Variants in HIP1 observed in about 807,000 individuals in gnomAD.
The protein encoded by HIP1 is huntingtin-interacting protein 1.
A neutral mutation model predicts 147.6 loss-of-function variants in HIP1; 65 were observed. The ratio of observed to expected loss-of-function variants is 0.44; its 90% CI spans 0.36 to 0.54. The LOEUF is 0.54. HIP1 is among the 20% of genes least tolerant of loss of function. The probability of loss-of-function intolerance (pLI) is 0.00; values close to 1 mark genes in which losing one functional copy is unlikely to be tolerated. For synonymous variants in HIP1, 479 were observed against 504.0 expected, an observed-to-expected ratio of 0.95 and a Z score of 0.67; for missense variants, 1,061 against 1,299.6, an observed-to-expected ratio of 0.82 and a Z score of 2.82.
chr7:75,572,297 G>T (rs1006362363), intron 8 of HIP1, among the ~76,000 whole-genome samples: 1 of 151,914 alleles, frequency 6.6e-6, no homozygotes, highest in South Asian at 2.1e-4. Flanking sequence ...TTCTGCTAAG[G>T]GCACCCCAGG....
chr7:75,667,740 C>T (rs1361535006), intron 1 of HIP1, among the ~76,000 whole-genome samples: 1 of 152,222 alleles, frequency 6.6e-6, no homozygotes, highest in African/African-American at 2.4e-5. Context: ...ATCCTCCCAC[C>T]TCGGCCTCAC....
intron 1 of HIP1, among the ~76,000 whole-genome samples, chr7:75,672,045 T>C (rs944870354): frequency 6.6e-6 from 1 of 152,144 alleles, no homozygotes; most frequent in Non-Finnish European, 1.5e-5. Flanking sequence ...AATTTTCATG[T>C]TTTTCTATAG....
chr7:75,709,543 C>T (rs1554519973), intron 1 of HIP1, among the ~76,000 whole-genome samples: 1 of 152,170 alleles, frequency 6.6e-6, no homozygotes, highest in East Asian at 1.9e-4. Flanking sequence ...TGCTACTTTG[C>T]TGAATTTGCT....
At chr7:75,570,096 G>A (rs1584810845) in intron 8 of HIP1, among the ~76,000 whole-genome samples, 3 of 151,922 alleles carry the variant, frequency 2.0e-5, no homozygotes, top group Middle Eastern at 3.4e-3. Context: ...ACCACACCCC[G>A]CTAATTTTTG....
At chr7:75,635,312 C>G (rs187870540) in intron 1 of HIP1, among the ~76,000 whole-genome samples, 8 of 152,224 alleles carry the variant, frequency 5.3e-5, no homozygotes, top group African/African-American at 1.9e-4. Flanking sequence ...GAGCTGTCAA[C>G]TGAAATACAG....
chr7:75,623,047 AT>A (rs1797906311), intron 1 of HIP1, among the ~76,000 whole-genome samples: 1 of 150,038 alleles, frequency 6.7e-6, no homozygotes, highest in South Asian at 2.1e-4. Flanking sequence ...AAAATAAAAA[AT>A]TTAGCCAGGC....
intron 1 of HIP1, among the ~76,000 whole-genome samples, chr7:75,667,512 G>T (rs782807821): frequency 6.6e-6 from 1 of 152,178 alleles, no homozygotes; most frequent in Non-Finnish European, 1.5e-5. Flanking sequence ...TGGAGGCAGG[G>T]TCTCCCTCTG....
chr7:75,737,737 C>T (rs1802070616), intron 1 of HIP1, among the ~76,000 whole-genome samples: 1 of 152,138 alleles, frequency 6.6e-6, no homozygotes, highest in Non-Finnish European at 1.5e-5. Flanking sequence ...CCCTTTCCCT[C>T]CAACTGTGTT....
rs184593485 is a variant in HIP1, at chr7:75,667,293, G to T, written c.121-68046C>A. ...TTGATTCATGGAGTGATAATGGAAA[G>T]AACATGAGATTTAGAAGACCTGGAT... is the stretch of plus-strand genomic sequence containing the variant. On this transcript the variant is annotated intron_variant, in intron 1 of 30. Transcript: ENST00000336926. Among the ~76,000 whole-genome samples, 142 of 152,248 alleles carry T rather than the reference G, an allele frequency of 9.3e-4. 1 individual carries two copies. Among genetic ancestry groups the T allele is most frequent in the Non-Finnish European group, 5.6e-4 (38 of 68,018 alleles).
chr7:75,652,078 G>A (rs1438755516), intron 1 of HIP1, among the ~76,000 whole-genome samples: 1 of 151,220 alleles, frequency 6.6e-6, no homozygotes, highest in African/African-American at 2.4e-5. Context: ...CAATTTGGGA[G>A]GCCAAGGCAG....
chr7:75,564,045 C>T (rs1310951926), intron 9 of HIP1, among the ~76,000 whole-genome samples: 3 of 152,068 alleles, frequency 2.0e-5, no homozygotes, highest in Admixed American at 2.0e-4. Context: ...GGATGCACCA[C>T]CATGCCTGGC....
At chr7:75,694,994 G>A (rs954278897) in intron 1 of HIP1, among the ~76,000 whole-genome samples, 5 of 152,128 alleles carry the variant, frequency 3.3e-5, no homozygotes. Flanking sequence ...CTATGGAAAA[G>A]TTCCTTCAGT....
chr7:75,704,992 T>C (rs1325099219), intron 1 of HIP1, among the ~76,000 whole-genome samples: 1 of 152,218 alleles, frequency 6.6e-6, no homozygotes, highest in African/African-American at 2.4e-5. Flanking sequence ...TTTACTTTCT[T>C]TTCCAAGTTT....
chr7:75,676,780 G>GA (rs781875604), intron 1 of HIP1, among the ~76,000 whole-genome samples: 33 of 143,384 alleles, frequency 2.3e-4, no homozygotes, highest in South Asian at 4.4e-4. Context: ...CCATCTCAAA[G>GA]AAAAAAAAAA....
At position 75,555,412 on chromosome 7, in the gene HIP1, G is replaced by A. The variant is rs782474421; in HGVS notation, c.1963+4C>T. 3.7e-6 allele frequency: 6 copies of A among 1,613,202 alleles called. No individual in the cohort carries two copies. The East Asian group carries it at 1.1e-4, about 30-fold the overall frequency. ...CCCTGCCAGCTGGGCAATTGCAAGT[G>A]TACCTGCAGACCCAGCGCAGCTGAT... On this transcript the variant is annotated splice_donor_region_variant and intron_variant, in intron 19 of 30. Transcript: ENST00000336926.
chr7:75,618,571 G>A (rs1179613), intron 1 of HIP1, among the ~76,000 whole-genome samples: 38,657 of 152,010 alleles, frequency 0.25, 6,319 homozygotes, highest in African/African-American at 0.48. Context: ...ACAGGCATGA[G>A]CCACCGCACC....
intron 1 of HIP1, among the ~76,000 whole-genome samples, chr7:75,709,248 G>A (rs535716577): frequency 1.3e-5 from 2 of 151,848 alleles, no homozygotes; most frequent in East Asian, 3.9e-4. Flanking sequence ...CAGTAGCTGG[G>A]ATTACAGGTG....
At chr7:75,578,323 C>T (rs782018603) in intron 7 of HIP1, among the ~76,000 whole-genome samples, 2 of 152,218 alleles carry the variant, frequency 1.3e-5, no homozygotes, top group Admixed American at 1.3e-4. Flanking sequence ...CTGCACTTTC[C>T]CAAGGATGAC....
rs1381301035 is a variant in HIP1, at chr7:75,534,252, G to C, written c.*3920C>G. 4.4e-6 allele frequency: 1 copy of C among 225,200 alleles called. No individual in the cohort carries two copies. The highest frequency in any genetic ancestry group is 8.8e-6 in the Non-Finnish European group (1 of 113,110). 14.0% of individuals were successfully genotyped at this position (225,200 alleles called of 1,614,324 possible). A position where few individuals can be genotyped will look rare whatever the true frequency, so the allele number is the denominator to read the frequency against. On this transcript the variant is annotated 3_prime_UTR_variant, in exon 31 of 31. Coordinates refer to ENST00000336926, the MANE Select transcript of HIP1 (RefSeq NM_005338.7). ...AGCTGGGACAGTTCCAAGAAAAGTT[G>C]CTCTAGACAGTGGTTCTTCCAGCCA...
Sources: gnomAD v4.1 joint callset for allele counts (sites outside exome capture counted in the v4.1 genomes callset) on GRCh38, gnomAD v4.1.1 for gene constraint, MANE v1.5 for transcripts, NCBI Gene and HGNC (gene_info 2026-07-23, HGNC 2026-07-21) for gene names.